Variants in NRG3 observed in about 807,000 individuals in gnomAD.
NRG3 encodes pro-neuregulin-3, membrane-bound isoform.
In NRG3, 31 loss-of-function variants were observed where a neutral mutation model predicts 66.9. The ratio of observed to expected loss-of-function variants is 0.46; its 90% CI spans 0.35 to 0.63. The LOEUF (loss-of-function observed/expected upper bound fraction) is 0.63. Among genes scored for constraint, NRG3 ranks in the 20% least tolerant of loss-of-function variants. The pLI, the probability that NRG3 is intolerant of heterozygous loss-of-function variation, is 0.00. For missense variants in NRG3, 910 were observed against 878.9 expected, an observed-to-expected ratio of 1.04 and a Z score of -0.45; for synonymous variants, 393 against 359.4, an observed-to-expected ratio of 1.09 and a Z score of -1.06.
chr10:82,555,785 T>C (rs1405053532), intron 2 of NRG3, among the ~76,000 whole-genome samples: 1 of 152,236 alleles, frequency 6.6e-6, no homozygotes, highest in African/African-American at 2.4e-5. Flanking sequence ...TAAATGGTCA[T>C]TGATAACATT....
chr10:82,511,399 G>A (rs537569003), intron 2 of NRG3, among the ~76,000 whole-genome samples: 2 of 152,120 alleles, frequency 1.3e-5, no homozygotes, highest in Admixed American at 1.3e-4. Flanking sequence ...CCTTGCCTAC[G>A]TATTCTCTGT....
intron 2 of NRG3, among the ~76,000 whole-genome samples, chr10:82,457,110 A>G (rs2091300475): frequency 6.6e-6 from 1 of 152,160 alleles, no homozygotes; most frequent in Non-Finnish European, 1.5e-5. Flanking sequence ...TGCATCTGTG[A>G]TGCCACTCAC....
At chr10:82,950,244 T>A (rs989614435) in intron 4 of NRG3, among the ~76,000 whole-genome samples, 1 of 152,206 alleles carries the variant, frequency 6.6e-6, no homozygotes, top group South Asian at 2.1e-4. Flanking sequence ...ATTTTGTATA[T>A]TTTTAGAATA....
chr10:81,877,584 G>T (rs755615459), intron 1 of NRG3: 14 of 705,172 alleles, frequency 2.0e-5, no homozygotes, highest in East Asian at 1.0e-4. Context: ...TCTTTTTAAA[G>T]AATGTAGTGT....
intron 2 of NRG3, among the ~76,000 whole-genome samples, chr10:82,415,187 T>A (rs1447745082): frequency 2.0e-5 from 3 of 152,142 alleles, no homozygotes; most frequent in Non-Finnish European, 4.4e-5. Context: ...AAATGCTCAG[T>A]GAAGTCTTAG....
At chr10:81,933,619 A>G (rs1847593564) in intron 1 of NRG3, among the ~76,000 whole-genome samples, 1 of 152,144 alleles carries the variant, frequency 6.6e-6, no homozygotes, top group Non-Finnish European at 1.5e-5. Flanking sequence ...GTGTCCTATG[A>G]GTAATTGTTT....
chr10:82,914,117 GT>G (rs142606522), intron 4 of NRG3, among the ~76,000 whole-genome samples: 11 of 147,610 alleles, frequency 7.5e-5, no homozygotes, highest in Non-Finnish European at 1.4e-4. Context: ...TTCCATTTCA[GT>G]TTTTTTTTTC....
At chr10:82,443,413 C>A (rs536886515) in intron 2 of NRG3, among the ~76,000 whole-genome samples, 2 of 152,136 alleles carry the variant, frequency 1.3e-5, no homozygotes, top group African/African-American at 4.8e-5. Context: ...TCCTTTTGGG[C>A]GCTAGACATG....
At chr10:82,479,501 GAA>G (rs35318145) in intron 2 of NRG3, among the ~76,000 whole-genome samples, 205 of 136,874 alleles carry the variant, frequency 1.5e-3, no homozygotes, top group Admixed American at 2.4e-3. Flanking sequence ...GAGTTGGAGG[GAA>G]AAAAAAAAAA....
chr10:82,613,395 C>T (rs1375967378), intron 2 of NRG3, among the ~76,000 whole-genome samples: 1 of 151,188 alleles, frequency 6.6e-6, no homozygotes, highest in Admixed American at 6.6e-5. Context: ...GTGGAAGGGT[C>T]ACTGTTTTAT....
At chr10:82,553,274 A>ATT (rs34274121) in intron 2 of NRG3, among the ~76,000 whole-genome samples, 1 of 149,592 alleles carries the variant, frequency 6.7e-6, no homozygotes, top group Non-Finnish European at 1.5e-5. Flanking sequence ...CAGCTTCAGC[A>ATT]TTTTTTTTTT....
intron 3 of NRG3, among the ~76,000 whole-genome samples, chr10:82,757,701 C>G (rs765510147): frequency 3.3e-5 from 5 of 152,126 alleles, no homozygotes; most frequent in East Asian, 1.9e-4. Flanking sequence ...TAATAATAAC[C>G]AGGCCACAAG....
intron 1 of NRG3, among the ~76,000 whole-genome samples, chr10:82,038,141 C>G (rs1322551510): frequency 6.6e-6 from 1 of 152,100 alleles, no homozygotes; most frequent in Non-Finnish European, 1.5e-5. Context: ...GTTTAAAAAT[C>G]TTTTATAAAC....
At chr10:82,499,799 T>C (rs192479022) in intron 2 of NRG3, among the ~76,000 whole-genome samples, 16 of 152,296 alleles carry the variant, frequency 1.1e-4, no homozygotes, top group Admixed American at 9.2e-4. Context: ...CAGGGCAAAC[T>C]AGAGACTTTG....
chr10:82,223,812 G>A (rs2076052644), intron 1 of NRG3, among the ~76,000 whole-genome samples: 1 of 152,206 alleles, frequency 6.6e-6, no homozygotes, highest in Middle Eastern at 3.4e-3. Flanking sequence ...TCAACTAGCA[G>A]GAGGGCAGGA....
chr10:82,090,650 T>G (rs1326829685), intron 1 of NRG3, among the ~76,000 whole-genome samples: 1 of 152,134 alleles, frequency 6.6e-6, no homozygotes, highest in East Asian at 1.9e-4. Context: ...ATTGCCTAAA[T>G]GGGGTTGAAA....
At chr10:82,821,305 T>A (rs2061943224) in intron 3 of NRG3, among the ~76,000 whole-genome samples, 1 of 152,258 alleles carries the variant, frequency 6.6e-6, no homozygotes, top group Non-Finnish European at 1.5e-5. Context: ...CTCAACTGCA[T>A]AACAGAAATA....
At chr10:82,682,946 ATTTTTTTTT>A (rs71009814) in intron 2 of NRG3, among the ~76,000 whole-genome samples, 9 of 65,354 alleles carry the variant, frequency 1.4e-4, no homozygotes, top group South Asian at 8.2e-4. Flanking sequence ...CCATGTCTTA[ATTTTTTTTT>A]TTTTTTTTTT....
chr10:82,677,435 T>C (rs1432486736), intron 2 of NRG3, among the ~76,000 whole-genome samples: 1 of 152,162 alleles, frequency 6.6e-6, no homozygotes, highest in East Asian at 1.9e-4. Context: ...ATGCACTTTT[T>C]GGTACTGACA....
Sources: gnomAD v4.1 joint callset for allele counts (sites outside exome capture counted in the v4.1 genomes callset) on GRCh38, gnomAD v4.1.1 for gene constraint, MANE v1.5 for transcripts, NCBI Gene and HGNC (gene_info 2026-07-23, HGNC 2026-07-21) for gene names.